PLIN3: variants seen among roughly 807,000 people sequenced by gnomAD.
PLIN3 encodes the protein perilipin-3.
In PLIN3, 30 loss-of-function variants were observed where a neutral mutation model predicts 35.9. That is an observed-to-expected ratio of 0.84 (90% CI 0.62 to 1.13). The LOEUF (loss-of-function observed/expected upper bound fraction) is 1.13. Ranked by LOEUF, PLIN3 falls within the 50% of genes most tolerant of loss-of-function variation. The pLI is 0.00. For synonymous variants in PLIN3, 261 were observed against 262.5 expected (o/e 0.99, Z 0.06); for missense variants, 603 against 596.9 (o/e 1.01, Z -0.11).
intron 1 of PLIN3, among the ~76,000 whole-genome samples, 185 bp downstream of exon 1, chr19:4,867,424 T>G (rs1301388339): frequency 6.6e-6 from 1 of 152,094 alleles, no homozygotes; most frequent in Non-Finnish European, 1.5e-5. Flanking sequence ...CTGAGCTTCG[T>G]TGCAGAAGTT....
At chr19:4,863,390 A>G (rs262546) in intron 1 of PLIN3, among the ~76,000 whole-genome samples, 82,846 of 150,536 alleles carry the variant, frequency 0.55, 23,436 homozygotes, top group Non-Finnish European at 0.61. Flanking sequence ...CCAGCTATTC[A>G]GGAGGCTGAG....
At chr19:4,857,307 T>C (rs1366212576) in intron 4 of PLIN3, among the ~76,000 whole-genome samples, 1 of 151,738 alleles carries the variant, frequency 6.6e-6, no homozygotes, top group Non-Finnish European at 1.5e-5. Flanking sequence ...GCGTGGTGGA[T>C]GCACCTAGTC....
Position 4,847,191 on chromosome 19 carries a change from ATT to A in PLIN3, c.834+498_834+499del, listed in dbSNP as rs34037864. The stretch of plus-strand genomic sequence containing the variant: ...GCATGAGCCACCGCACCTGGCCACG[ATT>A]TTTTTTTTTTTTTTGAGATGGGGTC... On this transcript the variant is annotated intron_variant, in intron 6 of 7. Coordinates refer to ENST00000221957, the MANE Select transcript of PLIN3 (RefSeq NM_005817.5). Among the ~76,000 whole-genome samples the A allele has an allele frequency of 6.2e-3, 851 of 137,998 alleles. 2 individuals carry two copies. Among genetic ancestry groups the A allele is most frequent in the Middle Eastern group, 0.011 (3 of 278 alleles). The allele number at this position is 137,998 out of a possible 152,430, so 90.5% of individuals were successfully genotyped here. A position where few individuals can be genotyped will look rare whatever the true frequency, so the allele number is the denominator to read the frequency against.
At chr19:4,865,267 T>A (rs1363194038) in intron 1 of PLIN3, among the ~76,000 whole-genome samples, 3 of 151,914 alleles carry the variant, frequency 2.0e-5, no homozygotes, top group African/African-American at 7.3e-5. Flanking sequence ...GGCGGGCAGA[T>A]CACCTAAGGT....
chr19:4,859,844 A>G lies in PLIN3; in HGVS notation c.247T>C (p.Ser83Pro), dbSNP rs1011121844. Reference protein sequence around the residue: ...AAVSGAQPILSKLEPQIASAS... With the variant: ...AAVSGAQPILPKLEPQIASAS... ...CACCCACTCTGGGGCTCCAGCTTGGAGAGGATCGGCTGAGCCCCGCTGACA... is the reference window on the plus strand; with the variant it reads ...CACCCACTCTGGGGCTCCAGCTTGGGGAGGATCGGCTGAGCCCCGCTGACA... Residue 83 changes from serine (S) to proline (P), a missense_variant, in exon 3 of 8, where the codon TCC becomes CCC. Ser to Pro is a moderately conservative substitution (Grantham distance 74). Transcript: ENST00000221957. 5.6e-6 allele frequency: 9 copies of G among 1,613,032 alleles called. No homozygotes were observed. The African/African-American group carries it at 1.1e-4, about 19-fold the overall frequency.
chr19:4,855,651 G>A (rs908918048), intron 4 of PLIN3, among the ~76,000 whole-genome samples: 30 of 152,034 alleles, frequency 2.0e-4, no homozygotes, highest in South Asian at 2.1e-4. Context: ...CTCGTGATCC[G>A]CCCGCCTCGG....
At chr19:4,865,740 T>G (rs2030826436) in intron 1 of PLIN3, among the ~76,000 whole-genome samples, 1 of 140,196 alleles carries the variant, frequency 7.1e-6, no homozygotes, top group African/African-American at 2.7e-5. Flanking sequence ...GTTTTTTTTT[T>G]TGAGACGGAG....
At chr19:4,854,557 C>A (rs1599168733) in intron 4 of PLIN3, among the ~76,000 whole-genome samples, 1 of 152,084 alleles carries the variant, frequency 6.6e-6, no homozygotes, top group Non-Finnish European at 1.5e-5. Flanking sequence ...GCGTGCACTG[C>A]CACGGCCGGC....
In PLIN3 at chr19:4,852,295, C is replaced by T. The variant is rs1319141883; in HGVS notation, c.355G>A (p.Ala119Thr). 1 of 1,601,690 alleles carries T rather than the reference C, an allele frequency of 6.2e-7. No homozygotes were observed. Among genetic ancestry groups the T allele is most frequent in the South Asian group, 1.1e-5 (1 of 91,062 alleles). The change falls in exon 5 of 8, where the codon GCG becomes ACG. Residue 119 changes from alanine (A) to threonine (T), a missense_variant. Ala to Thr is a moderately conservative substitution (Grantham distance 58, BLOSUM62 0). Coordinates refer to ENST00000221957, the MANE Select transcript of PLIN3 (RefSeq NM_005817.5). ...ILQQPTEKVL[A>T]DTKELVSSKV... ...GACGACACAAGCTCCTTGGTGTCCG[C>T]CAGGACCTAGGAGATGCAACAGCAT... is the stretch of plus-strand genomic sequence containing the variant.
At position 4,852,063 on chromosome 19, in the gene PLIN3, G is replaced by C; in HGVS notation, c.587C>G (p.Ser196Trp). ...LSGVDTVLGK[S>W]EEWADNHLPL... is the part of the protein sequence containing the mutation. ...CAGGTGGTTGTCCGCCCACTCCTCCGACTTCCCCAGCACCGTGTCGACCCC... is the reference window on the plus strand; with the variant it reads ...CAGGTGGTTGTCCGCCCACTCCTCCCACTTCCCCAGCACCGTGTCGACCCC... Residue 196 changes from serine (S) to tryptophan (W), a missense_variant, in exon 5 of 8, where the codon TCG (serine) becomes TGG (tryptophan). Physicochemically the swap from Ser to Trp is radical, Grantham distance 177. Transcript: ENST00000221957. 1 of 1,613,964 alleles carries C rather than the reference G, an allele frequency of 6.2e-7. No homozygotes were observed. Among genetic ancestry groups the C allele is most frequent in the Admixed American group, 1.7e-5 (1 of 59,996 alleles).
chr19:4,859,070 T>A (rs2030578522), intron 4 of PLIN3, among the ~76,000 whole-genome samples: 1 of 152,064 alleles, frequency 6.6e-6, no homozygotes, highest in African/African-American at 2.4e-5. Context: ...GTTATGGAGG[T>A]GGCAACATTC....
intron 5 of PLIN3, among the ~76,000 whole-genome samples, chr19:4,851,705 C>T (rs980121538): frequency 1.3e-5 from 2 of 151,706 alleles, no homozygotes; most frequent in African/African-American, 2.4e-5. Flanking sequence ...TGGGCTGTGA[C>T]GAGGACTTGG....
chr19:4,859,253 G>T (rs2146212994), intron 4 of PLIN3, among the ~76,000 whole-genome samples: 1 of 152,184 alleles, frequency 6.6e-6, no homozygotes, highest in East Asian at 1.9e-4. Flanking sequence ...TGGGCACCGT[G>T]GCTCATTCCT....
At chr19:4,842,594 T>C (rs377326635) in intron 7 of PLIN3, among the ~76,000 whole-genome samples, 4 of 86,482 alleles carry the variant, frequency 4.6e-5, no homozygotes, top group East Asian at 5.7e-4. Flanking sequence ...AGTGAGACTC[T>C]ATCTCAAAAA....
intron 7 of PLIN3, among the ~76,000 whole-genome samples, chr19:4,839,890 C>T (rs2029872403): frequency 1.3e-5 from 2 of 150,960 alleles, no homozygotes; most frequent in Admixed American, 6.6e-5. Flanking sequence ...TGGTCTTGAT[C>T]TCCTGACCTC....
intron 2 of PLIN3, among the ~76,000 whole-genome samples, chr19:4,860,249 C>T (rs763722530): frequency 2.6e-5 from 4 of 152,008 alleles, no homozygotes; most frequent in African/African-American, 9.7e-5. Context: ...CACTGTTGCC[C>T]GGGCTGGAGT....
In PLIN3 at chr19:4,844,806, A is replaced by G; in HGVS notation, c.835-13T>C. Reference sequence around the variant, plus strand: ...TGACAGTTTCCATCTGGGGCAGGGGAGAGAGAAGTGAGGGAAGGAGGCTCC... The same window carrying G: ...TGACAGTTTCCATCTGGGGCAGGGGGGAGAGAAGTGAGGGAAGGAGGCTCC... On this transcript the variant is annotated splice_polypyrimidine_tract_variant and intron_variant, in intron 6 of 7. Transcript: ENST00000221957. 6.3e-7 allele frequency: 1 copy of G among 1,584,736 alleles called. No individual in the cohort carries two copies. The highest frequency in any genetic ancestry group is 8.6e-7 in the Non-Finnish European group (1 of 1,166,568).
At chr19:4,840,738 G>A (rs985286570) in intron 7 of PLIN3, among the ~76,000 whole-genome samples, 1 of 152,116 alleles carries the variant, frequency 6.6e-6, no homozygotes, top group African/African-American at 2.4e-5. Context: ...GATCACCGAG[G>A]TCAGGAGTTC....
intron 1 of PLIN3, among the ~76,000 whole-genome samples, chr19:4,863,880 G>A (rs933080517): frequency 2.6e-5 from 4 of 151,756 alleles, no homozygotes; most frequent in African/African-American, 9.7e-5. Flanking sequence ...AAATGTAACT[G>A]ACATGACATG....
Sources: allele counts gnomAD v4.1 joint callset (sites outside exome capture counted in the v4.1 genomes callset), GRCh38; gene constraint gnomAD v4.1.1; transcripts MANE v1.5; gene names NCBI Gene and HGNC (gene_info 2026-07-23, HGNC 2026-07-21).